AFF3: variants seen among roughly 807,000 people sequenced by gnomAD.
AFF3 encodes the protein AF4/FMR2 family member 3.
A neutral mutation model predicts 129.7 loss-of-function variants in AFF3; 32 were observed. That is an observed-to-expected ratio of 0.25 (90% CI 0.19 to 0.33). The LOEUF (loss-of-function observed/expected upper bound fraction) is 0.33. Among genes scored for constraint, AFF3 ranks in the 10% least tolerant of loss-of-function variants. The probability of loss-of-function intolerance (pLI) is 1.00; values close to 1 mark genes in which losing one functional copy is unlikely to be tolerated. For missense variants in AFF3, 1,373 were observed against 1,592.0 expected, an observed-to-expected ratio of 0.86 and a Z score of 2.34; for synonymous variants, 644 against 635.4, an observed-to-expected ratio of 1.01 and a Z score of -0.20.
At chr2:99,822,689 C>G (rs1687775208) in intron 8 of AFF3, among the ~76,000 whole-genome samples, 1 of 152,110 alleles carries the variant, frequency 6.6e-6, no homozygotes, top group Non-Finnish European at 1.5e-5. Flanking sequence ...TGCCATGACC[C>G]CTCCCCGCAT....
In AFF3 at chr2:99,551,607, G is replaced by A. The variant is rs1674415148; in HGVS notation, c.3560-12C>T. On this transcript the variant is annotated splice_polypyrimidine_tract_variant and intron_variant, in intron 24 of 24. Coordinates refer to ENST00000672756, the MANE Select transcript of AFF3 (RefSeq NM_001386135.1). ...GTCGTTGAAGAATTCTAGGGGGACAGAAAGAGTTGTTAAGAATGCCACACA... is the reference window on the plus strand; with the variant it reads ...GTCGTTGAAGAATTCTAGGGGGACAAAAAGAGTTGTTAAGAATGCCACACA... 2 of 1,613,836 alleles carry A rather than the reference G, an allele frequency of 1.2e-6. No individual in the cohort carries two copies. The highest frequency in any genetic ancestry group is 1.7e-6 in the Non-Finnish European group (2 of 1,179,922).
intron 19 of AFF3, among the ~76,000 whole-genome samples, chr2:99,567,542 G>A (rs1676087896): frequency 6.6e-6 from 1 of 152,208 alleles, no homozygotes; most frequent in African/African-American, 2.4e-5. Context: ...TGGGGCCGCA[G>A]AGAGGCTGGG....
intron 4 of AFF3, among the ~76,000 whole-genome samples, chr2:100,018,401 C>T (rs1162173848): frequency 6.6e-6 from 1 of 152,088 alleles, no homozygotes; most frequent in Non-Finnish European, 1.5e-5. Flanking sequence ...AAATCTCTCT[C>T]GTAAATATAC....
At chr2:99,999,999 C>T (rs748665506) in intron 7 of AFF3, among the ~76,000 whole-genome samples, 2 of 152,184 alleles carry the variant, frequency 1.3e-5, no homozygotes, top group South Asian at 2.1e-4. Flanking sequence ...GGGTGCTTGC[C>T]ACATGAGTAG....
chr2:99,842,499 G>A (rs1169446029), intron 7 of AFF3, among the ~76,000 whole-genome samples: 1 of 151,986 alleles, frequency 6.6e-6, no homozygotes, highest in African/African-American at 2.4e-5. Context: ...CTGTTGCTCC[G>A]TATTTACTCC....
intron 8 of AFF3, among the ~76,000 whole-genome samples, chr2:99,836,799 A>C (rs1282412295): frequency 6.6e-6 from 1 of 152,136 alleles, no homozygotes; most frequent in African/African-American, 2.4e-5. Flanking sequence ...GAGAACTATA[A>C]ATTATTAGGT....
At chr2:99,935,492 T>C (rs909741153) in intron 7 of AFF3, among the ~76,000 whole-genome samples, 1 of 152,220 alleles carries the variant, frequency 6.6e-6, no homozygotes, top group Admixed American at 6.5e-5. Context: ...CAAAGTACCA[T>C]GAACCTTACT....
chr2:99,847,189 C>A (rs1689791105), intron 7 of AFF3, among the ~76,000 whole-genome samples: 1 of 151,924 alleles, frequency 6.6e-6, no homozygotes, highest in Admixed American at 6.6e-5. Context: ...CATTTTCATT[C>A]TTTTTGAGAC....
intron 8 of AFF3, among the ~76,000 whole-genome samples, chr2:99,784,934 T>C (rs1684681789): frequency 6.6e-6 from 1 of 152,228 alleles, no homozygotes; most frequent in South Asian, 2.1e-4. Context: ...AATATGTCTT[T>C]GCTACCGTGG....
chr2:99,999,952 G>C lies in AFF3; in HGVS notation c.873+6680C>G, dbSNP rs117251945. Among the ~76,000 whole-genome samples the C allele has an allele frequency of 9.2e-5, 14 of 152,268 alleles. No individual in the cohort carries two copies. In the East Asian group the frequency reaches 2.7e-3, roughly 29 times the overall value. ...TCTTGGTCCCACAGCCCACCCTTTG[G>C]TCAGAACAGCAACAGGAGTGTCCAG... On this transcript the variant is annotated intron_variant, in intron 7 of 24. Transcript: ENST00000672756.
Position 99,546,806 on chromosome 2 carries a change from G to A in AFF3, c.*4668C>T, listed in dbSNP as rs1575311895. 4.7e-6 allele frequency: 1 copy of A among 214,624 alleles called. No individual in the cohort carries two copies. Among genetic ancestry groups the A allele is most frequent in the Non-Finnish European group, 9.4e-6 (1 of 106,448 alleles). The allele number at this position is 214,624 out of a possible 1,614,324, so 13.3% of individuals were successfully genotyped here. ...AGTTCCCTGACTGCACACAAGTCAG[G>A]GAACTAACTTGTGACACTAAAGAAT... On this transcript the variant is annotated 3_prime_UTR_variant, in exon 25 of 25. Transcript: ENST00000672756.
At chr2:99,808,752 T>C (rs1202365842) in intron 8 of AFF3, among the ~76,000 whole-genome samples, 1 of 152,240 alleles carries the variant, frequency 6.6e-6, no homozygotes, top group Non-Finnish European at 1.5e-5. Context: ...TGATGTACAA[T>C]GTCAGTGACT....
chr2:99,600,664 C>T (rs1679741668), intron 14 of AFF3, among the ~76,000 whole-genome samples: 1 of 152,174 alleles, frequency 6.6e-6, no homozygotes, highest in Admixed American at 6.5e-5. Flanking sequence ...CTCTATTTTA[C>T]TCCTTGTTTA....
intron 8 of AFF3, among the ~76,000 whole-genome samples, chr2:99,827,795 G>A (rs940961418): frequency 2.6e-5 from 4 of 151,968 alleles, no homozygotes; most frequent in African/African-American, 9.7e-5. Flanking sequence ...GAGAGAGGAG[G>A]TGCTCACTCC....
At chr2:99,817,093 G>A (rs4621208) in intron 8 of AFF3, among the ~76,000 whole-genome samples, 93,154 of 151,962 alleles carry the variant, frequency 0.61, 30,144 homozygotes, top group South Asian at 0.79. Flanking sequence ...GTCAGTAGGA[G>A]AGATGAAGGA....
intron 20 of AFF3, among the ~76,000 whole-genome samples, chr2:99,562,616 G>GT (rs1675570653): frequency 1.3e-5 from 2 of 152,182 alleles, no homozygotes; most frequent in Non-Finnish European, 1.5e-5. Context: ...TCAGATAATT[G>GT]CAGCAACTGA....
chr2:100,080,608 T>C (rs1688972575), intron 4 of AFF3, among the ~76,000 whole-genome samples: 1 of 151,940 alleles, frequency 6.6e-6, no homozygotes, highest in Non-Finnish European at 1.5e-5. Context: ...TATATACATA[T>C]ATATTAAGGC....
Position 99,662,260 on chromosome 2 carries a change from T to A in AFF3, c.1143+10278A>T, listed in dbSNP as rs1686311958. On this transcript the variant is annotated intron_variant, in intron 12 of 24. Coordinates refer to ENST00000672756, the MANE Select transcript of AFF3 (RefSeq NM_001386135.1). ...TGGGAGGTTCAAATATATGATTACT[T>A]CATATACGGATATGAAAAAGGTCTG... Among the ~76,000 whole-genome samples the A allele has an allele frequency of 5.3e-5, 8 of 152,296 alleles. No individual in the cohort carries two copies. In the South Asian group the frequency reaches 1.7e-3, roughly 32 times the overall value.
At chr2:99,697,645 C>T (rs1007773323) in intron 11 of AFF3, among the ~76,000 whole-genome samples, 2 of 152,220 alleles carry the variant, frequency 1.3e-5, no homozygotes, top group African/African-American at 4.8e-5. Flanking sequence ...TGGTAAGGAC[C>T]CAGGTTCTGA....
Sources: allele counts gnomAD v4.1 joint callset (sites outside exome capture counted in the v4.1 genomes callset), GRCh38; gene constraint gnomAD v4.1.1; transcripts MANE v1.5; gene names NCBI Gene and HGNC (gene_info 2026-07-23, HGNC 2026-07-21).